TMEM260: variants seen among roughly 807,000 people sequenced by gnomAD.
TMEM260 encodes the protein protein O-mannosyl-transferase TMEM260.
In TMEM260, 82 loss-of-function variants were observed where a neutral mutation model predicts 88.9. The ratio of observed to expected loss-of-function variants is 0.92; its 90% CI spans 0.77 to 1.11. The LOEUF is 1.11. Among genes scored for constraint, TMEM260 ranks in the 50% least tolerant of loss-of-function variants. TMEM260 has a pLI of 0.00. For synonymous variants in TMEM260, 314 were observed against 309.3 expected, an observed-to-expected ratio of 1.02 and a Z score of -0.16; for missense variants, 902 against 853.4, an observed-to-expected ratio of 1.06 and a Z score of -0.71.
chr14:56,604,663 T>C (rs1159531594), intron 4 of TMEM260, among the ~76,000 whole-genome samples: 3 of 152,138 alleles, frequency 2.0e-5, no homozygotes, highest in Non-Finnish European at 4.4e-5. Context: ...GCTTAAAAAA[T>C]ATCTGATTAT....
chr14:56,589,503 G>T (rs1355669337), intron 3 of TMEM260, among the ~76,000 whole-genome samples: 3 of 152,044 alleles, frequency 2.0e-5, no homozygotes, highest in African/African-American at 4.8e-5. Flanking sequence ...TTTCAAAAAG[G>T]TGTAGTTTCA....
At chr14:56,580,670 G>A (rs1000569830) in intron 1 of TMEM260, among the ~76,000 whole-genome samples, 70 of 152,278 alleles carry the variant, frequency 4.6e-4, no homozygotes, top group African/African-American at 1.6e-3. Flanking sequence ...CAGAATATTT[G>A]CAGGAGAACT....
Position 56,579,979 on chromosome 14 carries a change from G to T in TMEM260, c.65G>T (p.Arg22Leu). 5.6e-6 allele frequency: 7 copies of T among 1,243,980 alleles called. No homozygotes were observed. Among genetic ancestry groups the T allele is most frequent in the Non-Finnish European group, 6.1e-6 (6 of 989,002 alleles). 77.1% of individuals were successfully genotyped at this position (1,243,980 alleles called of 1,614,324 possible). Residue 22 changes from arginine (R) to leucine (L), a missense_variant, in exon 1 of 16, where the codon CGC becomes CTC. Coordinates refer to ENST00000261556, the MANE Select transcript of TMEM260 (RefSeq NM_017799.4). ...CGGGCAGTCCGAGTGGGGCTGCGGC[G>T]CTCCGGGGGCATCCGCGGCGGCGTG... ...QGRAVRVGLRRSGGIRGGVAV... is the reference protein window; with the variant it reads ...QGRAVRVGLRLSGGIRGGVAV...
At chr14:56,659,221 CTATT>C in the TMEM260 span, among the ~76,000 whole-genome samples, 45 of 149,818 alleles carry the variant, frequency 3.0e-4, 1 homozygote, top group South Asian at 5.0e-3. Context: ...AATTCTAAAA[CTATT>C]TAGGAATAAA....
chr14:56,613,558 G>C (rs1031287777), intron 7 of TMEM260: 10 of 151,940 alleles, frequency 6.6e-5, no homozygotes, highest in Non-Finnish European at 1.0e-4. Context: ...TTTAAAAGTA[G>C]GATCATAGTA....
chr14:56,595,911 G>A (rs1433524951), intron 3 of TMEM260, among the ~76,000 whole-genome samples: 1 of 151,966 alleles, frequency 6.6e-6, no homozygotes, highest in Non-Finnish European at 1.5e-5. Context: ...TTAAACACTT[G>A]AATTAAGGTA....
intron 14 of TMEM260, among the ~76,000 whole-genome samples, chr14:56,635,855 A>ATC: frequency 6.6e-6 from 1 of 152,172 alleles, no homozygotes; most frequent in East Asian, 1.9e-4. Flanking sequence ...ATATATATAT[A>ATC]TATACTATAG....
At chr14:56,615,091 C>G (rs1199361754) in intron 7 of TMEM260, among the ~76,000 whole-genome samples, 2 of 152,110 alleles carry the variant, frequency 1.3e-5, no homozygotes, top group East Asian at 3.9e-4. Flanking sequence ...GGGCCTCATG[C>G]TGGAATCAAT....
intron 10 of TMEM260, among the ~76,000 whole-genome samples, chr14:56,620,779 C>T (rs917302033): frequency 6.6e-6 from 1 of 152,122 alleles, no homozygotes; most frequent in Non-Finnish European, 1.5e-5. Context: ...ACAGAAAGGA[C>T]ATTGCTTGTC....
At chr14:56,583,990 TTGTGTGTGTG>T (rs10594077) in intron 1 of TMEM260, among the ~76,000 whole-genome samples, 40 of 145,942 alleles carry the variant, frequency 2.7e-4, no homozygotes, top group Middle Eastern at 3.5e-3. Context: ...ATCCAGCCTT[TTGTGTGTGTG>T]TGTGTGTGTG....
At chr14:56,635,922 G>A (rs1250743831) in intron 14 of TMEM260, among the ~76,000 whole-genome samples, 3 of 152,088 alleles carry the variant, frequency 2.0e-5, no homozygotes, top group Non-Finnish European at 4.4e-5. Context: ...AGTTGTCATT[G>A]TAGTCATAGG....
chr14:56,594,676 G>A (rs1809126647), intron 3 of TMEM260, among the ~76,000 whole-genome samples: 1 of 152,140 alleles, frequency 6.6e-6, no homozygotes, highest in South Asian at 2.1e-4. Flanking sequence ...GATTATACAA[G>A]ATAGCTTGTT....
intron 3 of TMEM260, among the ~76,000 whole-genome samples, chr14:56,599,890 T>C (rs899970884): frequency 1.3e-5 from 2 of 152,148 alleles, no homozygotes; most frequent in Non-Finnish European, 2.9e-5. Flanking sequence ...GTTTAAACTG[T>C]CTGTCATCCT....
At chr14:56,615,077 A>G (rs543430671) in intron 7 of TMEM260, among the ~76,000 whole-genome samples, 1 of 152,356 alleles carries the variant, frequency 6.6e-6, no homozygotes, top group East Asian at 1.9e-4. Flanking sequence ...GAATGGTTTG[A>G]AATGGGCCTC....
chr14:56,636,158 G>A lies in TMEM260; in HGVS notation c.1779-350G>A, dbSNP rs138335609. 7.4e-4 allele frequency among the ~76,000 whole-genome samples: 112 copies of A among 152,304 alleles called. 1 individual carries two copies. The East Asian group carries it at 0.013, about 17-fold the overall frequency. Reference sequence around the variant, plus strand: ...ACTGGGCACACATGGCATGAGCTTCGTGTTGGGTACCTTCAGGGATGTGTT... The same window carrying A: ...ACTGGGCACACATGGCATGAGCTTCATGTTGGGTACCTTCAGGGATGTGTT... On this transcript the variant is annotated intron_variant, in intron 14 of 15. Transcript: ENST00000261556.
At chr14:56,654,605 G>T (rs1268913568), downstream of TMEM260, among the ~76,000 whole-genome samples, 6 of 151,860 alleles carry the variant, frequency 4.0e-5, no homozygotes, top group Non-Finnish European at 7.4e-5. Flanking sequence ...GATCACCTGA[G>T]GTCAGGAGTT....
At chr14:56,635,018 C>T in intron 14 of TMEM260, 66 bp downstream of exon 14, 7 of 1,443,302 alleles carry the variant, frequency 4.8e-6, no homozygotes, top group Non-Finnish European at 6.8e-6. Flanking sequence ...GCTTATGGCA[C>T]TTTTAATTTT....
intron 12 of TMEM260, among the ~76,000 whole-genome samples, chr14:56,630,716 G>A (rs1193931156): frequency 6.6e-6 from 1 of 152,036 alleles, no homozygotes; most frequent in Admixed American, 6.6e-5. Context: ...CTTATGAGTT[G>A]AGATTTTTCT....
At position 56,632,993 on chromosome 14, in the gene TMEM260, A is replaced by G. The variant is rs1366963879; in HGVS notation, c.1548-2A>G. On this transcript the variant is annotated splice_acceptor_variant, in intron 12 of 15. Transcript: ENST00000261556. LOFTEE classifies it high-confidence loss of function. Reference sequence around the variant, plus strand: ...CATCATGTATTTTTCTGTTTCCAACAGAAAAGAAACATTTGTTTGCATAGG... The same window carrying G: ...CATCATGTATTTTTCTGTTTCCAACGGAAAAGAAACATTTGTTTGCATAGG... The G allele has an allele frequency of 6.2e-7, 1 of 1,612,842 alleles. No homozygotes were observed. The highest frequency in any genetic ancestry group is 8.5e-7 in the Non-Finnish European group (1 of 1,179,414).
Sources: gnomAD v4.1 joint callset for allele counts (sites outside exome capture counted in the v4.1 genomes callset) on GRCh38, gnomAD v4.1.1 for gene constraint, MANE v1.5 for transcripts, NCBI Gene and HGNC (gene_info 2026-07-23, HGNC 2026-07-21) for gene names.